The following RFX7 variants were observed in gnomAD, a reference collection of about 807,000 sequenced individuals.
RFX7 encodes the protein regulatory factor X7.
In RFX7, 26 loss-of-function variants were observed where a neutral mutation model predicts 111.8. That is an observed-to-expected ratio of 0.23 (90% CI 0.17 to 0.32). RFX7 has a LOEUF of 0.32. Among genes scored for constraint, RFX7 ranks in the 10% least tolerant of loss-of-function variants. RFX7 has a pLI of 1.00. For missense variants in RFX7, 1,573 were observed against 1,772.9 expected, an observed-to-expected ratio of 0.89 and a Z score of 2.02; for synonymous variants, 624 against 624.4, an observed-to-expected ratio of 1.00 and a Z score of 0.01.
chr15:56,141,422 C>A (rs1369538048), intron 5 of RFX7, among the ~76,000 whole-genome samples: 2 of 151,772 alleles, frequency 1.3e-5, no homozygotes, highest in African/African-American at 4.8e-5. Context: ...ACATCTTCAA[C>A]TGCCTCATTT....
intron 2 of RFX7, among the ~76,000 whole-genome samples, chr15:56,198,445 C>A (rs957048720): frequency 6.6e-6 from 1 of 152,200 alleles, no homozygotes; most frequent in Non-Finnish European, 1.5e-5. Context: ...TACGCAACAC[C>A]ACCTACAAAG....
rs200495055 is a variant in RFX7, at chr15:56,184,023, GT to G, written c.162-4721del. Reference sequence around the variant, plus strand: ...TTATTAGTTCTAACAGCATGTAGTTGTTTTTTTTTTTTTTGAGACAGAGTTT... The same window carrying G: ...TTATTAGTTCTAACAGCATGTAGTTGTTTTTTTTTTTTTGAGACAGAGTTT... On this transcript the variant is annotated intron_variant, in intron 2 of 9. Coordinates refer to ENST00000559447, the MANE Select transcript of RFX7 (RefSeq NM_022841.7). Among the ~76,000 whole-genome samples the G allele has an allele frequency of 2.9e-3, 402 of 139,142 alleles. 1 individual carries two copies. Among genetic ancestry groups the G allele is most frequent in the African/African-American group, 6.1e-3 (233 of 38,266 alleles). The allele number at this position is 139,142 out of a possible 152,430, so 91.3% of individuals were successfully genotyped here.
intron 3 of RFX7, among the ~76,000 whole-genome samples, chr15:56,153,328 C>G (rs933161063): frequency 6.6e-6 from 1 of 152,136 alleles, no homozygotes; most frequent in Non-Finnish European, 1.5e-5. Flanking sequence ...ACAGGCAAAC[C>G]GAATCCAGCA....
At chr15:56,227,508 T>C (rs2043498012) in intron 2 of RFX7, among the ~76,000 whole-genome samples, 1 of 152,172 alleles carries the variant, frequency 6.6e-6, no homozygotes, top group Non-Finnish European at 1.5e-5. Context: ...AGCAACCAAT[T>C]ACACTTCCTT....
chr15:56,109,993 G>A (rs1464013447), intron 5 of RFX7, among the ~76,000 whole-genome samples: 2 of 136,790 alleles, frequency 1.5e-5, no homozygotes, highest in African/African-American at 5.5e-5. Context: ...CCGGCCAGCC[G>A]CCCCGTCCGG....
At chr15:56,128,054 A>AAC (rs1296952729) in intron 5 of RFX7, among the ~76,000 whole-genome samples, 1 of 152,188 alleles carries the variant, frequency 6.6e-6, no homozygotes, top group African/African-American at 2.4e-5. Flanking sequence ...ATTCTAGAAG[A>AAC]ACACAAACTA....
rs566481452 is a variant in RFX7 at position 56,099,790 on chromosome 15, T to C, written c.812-1414A>G. 7.2e-5 allele frequency among the ~76,000 whole-genome samples: 11 copies of C among 152,340 alleles called. No homozygotes were observed. The South Asian group carries it at 2.3e-3, about 32-fold the overall frequency. On this transcript the variant is annotated intron_variant, in intron 8 of 9. Coordinates refer to ENST00000559447, the MANE Select transcript of RFX7 (RefSeq NM_022841.7). The stretch of plus-strand genomic sequence containing the variant: ...TAAAGTATTTACCCTCTCAGGCTGA[T>C]TGCTTTCAAAAATGGAGTGTCTTTT...
chr15:56,106,137 C>T (rs77829409), intron 5 of RFX7, among the ~76,000 whole-genome samples: 3,815 of 152,190 alleles, frequency 0.025, 153 homozygotes, highest in African/African-American at 0.086. Context: ...AAAGAGCTCA[C>T]GTTCCTCAGA....
chr15:56,224,648 C>G (rs1424770062), intron 2 of RFX7, among the ~76,000 whole-genome samples: 6 of 151,698 alleles, frequency 4.0e-5, no homozygotes, highest in Non-Finnish European at 8.8e-5. Flanking sequence ...TCTGTCCTGT[C>G]TTTTAATAGG....
At chr15:56,240,048 T>C (rs1259103010) in intron 2 of RFX7, among the ~76,000 whole-genome samples, 3 of 151,070 alleles carry the variant, frequency 2.0e-5, no homozygotes, top group Non-Finnish European at 4.4e-5. Context: ...AAAAGAAGTT[T>C]GCAGTTAGGT....
At chr15:56,244,721 A>G (rs959454997), upstream of RFX7, among the ~76,000 whole-genome samples, 1 of 152,004 alleles carries the variant, frequency 6.6e-6, no homozygotes, top group Admixed American at 6.6e-5. Context: ...AAAGAAACGC[A>G]TGTAGTACTC....
At chr15:56,166,088 G>A (rs2042778869) in intron 3 of RFX7, among the ~76,000 whole-genome samples, 1 of 152,110 alleles carries the variant, frequency 6.6e-6, no homozygotes, top group Admixed American at 6.5e-5. Context: ...TTTTTGTAGA[G>A]ATGGGATCTC....
intron 3 of RFX7, among the ~76,000 whole-genome samples, chr15:56,144,916 G>T (rs548495109): frequency 6.6e-6 from 1 of 152,230 alleles, no homozygotes; most frequent in South Asian, 2.1e-4. Flanking sequence ...TAAAATGAAT[G>T]ACATAATTTC....
chr15:56,117,252 G>A (rs1365029178), intron 5 of RFX7, among the ~76,000 whole-genome samples: 1 of 152,114 alleles, frequency 6.6e-6, no homozygotes, highest in Non-Finnish European at 1.5e-5. Flanking sequence ...ATTATACGGA[G>A]AAAGGAGATT....
chr15:56,089,584 T>C lies in RFX7; in HGVS notation c.*3761A>G, dbSNP rs1222120157. 6.6e-6 allele frequency: 1 copy of C among 152,156 alleles called. No individual in the cohort carries two copies. The highest frequency in any genetic ancestry group is 1.5e-5 in the Non-Finnish European group (1 of 68,030). 9.4% of individuals were successfully genotyped at this position (152,156 alleles called of 1,614,324 possible). On this transcript the variant is annotated 3_prime_UTR_variant, in exon 10 of 10. Transcript: ENST00000559447. Reference sequence around the variant, plus strand: ...GGTTGACTCTATGCACTGGTTCTTATGTTTGCCTGCTCTGACATTTTACCC... The same window carrying C: ...GGTTGACTCTATGCACTGGTTCTTACGTTTGCCTGCTCTGACATTTTACCC...
At chr15:56,123,433 T>C (rs2042102956) in intron 5 of RFX7, among the ~76,000 whole-genome samples, 1 of 152,150 alleles carries the variant, frequency 6.6e-6, no homozygotes, top group Non-Finnish European at 1.5e-5. Context: ...TGAACTGGTA[T>C]TTAAGCATTA....
intron 3 of RFX7, among the ~76,000 whole-genome samples, chr15:56,175,395 G>T (rs902121873): frequency 6.6e-6 from 1 of 151,974 alleles, no homozygotes; most frequent in Non-Finnish European, 1.5e-5. Flanking sequence ...AATCCAAGTA[G>T]AACTTTTTTT....
At chr15:56,223,638 C>A (rs1442290204) in intron 2 of RFX7, among the ~76,000 whole-genome samples, 1 of 152,024 alleles carries the variant, frequency 6.6e-6, no homozygotes, top group Non-Finnish European at 1.5e-5. Flanking sequence ...ACATACTCAT[C>A]AAGAAAACTG....
At chr15:56,132,307 G>A (rs886415099) in intron 5 of RFX7, among the ~76,000 whole-genome samples, 3 of 151,916 alleles carry the variant, frequency 2.0e-5, no homozygotes, top group African/African-American at 7.2e-5. Context: ...AGGAAAGATG[G>A]GTCCTGTCAG....
Sources: gnomAD v4.1 joint callset for allele counts (sites outside exome capture counted in the v4.1 genomes callset) on GRCh38, gnomAD v4.1.1 for gene constraint, MANE v1.5 for transcripts, NCBI Gene and HGNC (gene_info 2026-07-23, HGNC 2026-07-21) for gene names.